Variants in TLDC2 observed in about 807,000 individuals in gnomAD.
The protein encoded by TLDC2 is TLD domain-containing protein 2.
TLDC2 carries 23 observed loss-of-function variants against 27.9 expected under a neutral mutation model. The ratio of observed to expected loss-of-function variants is 0.82; its 90% CI spans 0.59 to 1.17. The LOEUF (loss-of-function observed/expected upper bound fraction) is 1.17. TLDC2 is among the 50% of genes most tolerant of loss of function. TLDC2 has a pLI of 0.00. For synonymous variants in TLDC2, 124 were observed against 107.4 expected (o/e 1.16, Z -0.96); for missense variants, 286 against 273.4 (o/e 1.05, Z -0.32).
intron 5 of TLDC2, among the ~76,000 whole-genome samples, chr20:36,888,704 CAAAAAAAAAAAA>C (rs35828858): frequency 1.6e-5 from 1 of 62,772 alleles, no homozygotes; most frequent in African/African-American, 6.9e-5. Flanking sequence ...AGACTCCTAT[CAAAAAAAAAAAA>C]AAAAAAAAAA....
At chr20:36,892,529 G>C in intron 6 of TLDC2, 1 of 235,224 alleles carries the variant, frequency 4.3e-6, no homozygotes, top group Non-Finnish European at 8.5e-6. Flanking sequence ...GGTGGCACAT[G>C]ACTTTAGTCC....
chr20:36,877,876 C>G, intron 1 of TLDC2, 23 bp from the exon 2 acceptor site: 1 of 1,605,324 alleles, frequency 6.2e-7, no homozygotes, highest in Non-Finnish European at 8.5e-7. Context: ...CTGGACACAC[C>G]AGGCCACTTT....
rs149551821 is a variant in TLDC2, at chr20:36,878,651, A to C, written c.190-390A>C. Reference sequence around the variant, plus strand: ...TTGGGAACTGAGGCCAAAGCTGGAGAGGGGTGGGCGGATGAGACGGAGGAT... The same window carrying C: ...TTGGGAACTGAGGCCAAAGCTGGAGCGGGGTGGGCGGATGAGACGGAGGAT... On this transcript the variant is annotated intron_variant, in intron 2 of 6. Transcript: ENST00000217320. Among the ~76,000 whole-genome samples the C allele has an allele frequency of 4.4e-4, 67 of 152,114 alleles. No individual in the cohort carries two copies. The East Asian group carries it at 0.011, about 24-fold the overall frequency.
chr20:36,880,213 C>G (rs1186250181), intron 3 of TLDC2, among the ~76,000 whole-genome samples: 1 of 150,992 alleles, frequency 6.6e-6, no homozygotes, highest in Non-Finnish European at 1.5e-5. Context: ...CCTAACTCAG[C>G]CTCCCAAGTA....
At position 36,879,041 on chromosome 20, in the gene TLDC2, C is replaced by G. The variant is rs748354615; in HGVS notation, c.190C>G (p.Leu64Val). ...QVLSASEIRQ[L>V]SFHFPPRVTG... Reference sequence around the variant, plus strand: ...CATTCACCTCCAACCCTGTCCCCAGCTCAGCTTTCACTTCCCACCAAGAGT... The same window carrying G: ...CATTCACCTCCAACCCTGTCCCCAGGTCAGCTTTCACTTCCCACCAAGAGT... The change falls in exon 3 of 7, where the codon CTC becomes GTC. Residue 64 changes from leucine to valine, a missense_variant and splice_region_variant. By Grantham distance (32) the Leu-to-Val change is conservative (BLOSUM62 1). Transcript: ENST00000217320. The G allele has an allele frequency of 1.2e-6, 2 of 1,614,230 alleles. No individual in the cohort carries two copies. The highest frequency in any genetic ancestry group is 2.2e-5 in the South Asian group (2 of 91,084).
intron 6 of TLDC2, chr20:36,892,443 T>G (rs2148351693): frequency 5.2e-6 from 1 of 193,764 alleles, no homozygotes; most frequent in African/African-American, 2.4e-5. Flanking sequence ...TAGTTCCAAT[T>G]TGTACCCTTG....
chr20:36,877,922 G>C lies in TLDC2; in HGVS notation c.57G>C (p.Leu19=). 6.2e-7 allele frequency: 1 copy of C among 1,613,792 alleles called. No individual in the cohort carries two copies. The highest frequency in any genetic ancestry group is 8.5e-7 in the Non-Finnish European group (1 of 1,179,892). The stretch of plus-strand genomic sequence containing the variant: ...AGCCCAGCCAGGTGGAGGACACCCT[G>C]TCTGGGGAGGAGGGTAACGAAGAGG... ...TRLPSQVEDT[L]SGEEGNEEEE... The change falls in exon 2 of 7, where the codon CTG becomes CTC. Residue 19 remains leucine, a synonymous_variant. Transcript: ENST00000217320.
At chr20:36,886,292 T>G (rs924337950) in intron 4 of TLDC2, among the ~76,000 whole-genome samples, 2 of 152,070 alleles carry the variant, frequency 1.3e-5, no homozygotes, top group African/African-American at 2.4e-5. Flanking sequence ...TGTGACCAGC[T>G]AGGTTTAAAA....
intron 5 of TLDC2, among the ~76,000 whole-genome samples, chr20:36,887,731 GC>G (rs1396036802): frequency 6.6e-6 from 1 of 152,164 alleles, no homozygotes; most frequent in East Asian, 1.9e-4. Flanking sequence ...ATGCATGAGT[GC>G]CCCCACTGAA....
At chr20:36,881,577 C>T (rs1232757942) in intron 4 of TLDC2, among the ~76,000 whole-genome samples, 1 of 152,118 alleles carries the variant, frequency 6.6e-6, no homozygotes, top group Non-Finnish European at 1.5e-5. Context: ...ATCGGCTGCT[C>T]GGCGCAGGCC....
At chr20:36,879,280 G>A in intron 3 of TLDC2, 87 bp downstream of exon 3, 1 of 1,484,876 alleles carries the variant, frequency 6.7e-7, no homozygotes, top group Non-Finnish European at 8.9e-7. Flanking sequence ...TCAGGGACAA[G>A]CAGGCAGAGT....
Position 36,878,044 on chromosome 20 carries a change from A to C in TLDC2, c.179A>C (p.Glu60Ala). ...GCCAGCCAGGTTTTGAGTGCCTCAG[A>C]GATTCGGCAGGTCTGGGCATTGCCC... is the stretch of plus-strand genomic sequence containing the variant. Reference protein sequence around the residue: ...TEASQVLSASEIRQLSFHFPP... With the variant: ...TEASQVLSASAIRQLSFHFPP... Residue 60 changes from glutamate to alanine, a missense_variant, in exon 2 of 7, where the codon GAG (glutamate) becomes GCG (alanine). By Grantham distance (107) the Glu-to-Ala change is moderately radical. Transcript: ENST00000217320. The C allele has an allele frequency of 6.2e-7, 1 of 1,613,184 alleles. No homozygotes were observed.
chr20:36,876,767 ACACT>A (rs1568745923), intron 1 of TLDC2, among the ~76,000 whole-genome samples: 2 of 152,112 alleles, frequency 1.3e-5, no homozygotes, highest in African/African-American at 2.4e-5. Context: ...TCAAACACAC[ACACT>A]CACACACACA....
rs1432008379 is a variant in TLDC2, at chr20:36,876,217, C to T, written c.33+10C>T. Reference sequence around the variant, plus strand: ...GCGTTACACTCGGCTGGTAAGGGTTCCAACTCCGTCTGTGGTGCAGGTTGG... The same window carrying T: ...GCGTTACACTCGGCTGGTAAGGGTTTCAACTCCGTCTGTGGTGCAGGTTGG... On this transcript the variant is annotated intron_variant, in intron 1 of 6. Transcript: ENST00000217320. 1 of 1,614,124 alleles carries T rather than the reference C, an allele frequency of 6.2e-7. No homozygotes were observed. Among genetic ancestry groups the T allele is most frequent in the South Asian group, 1.1e-5 (1 of 91,072 alleles).
At chr20:36,876,697 G>A (rs892760457) in intron 1 of TLDC2, among the ~76,000 whole-genome samples, 1 of 151,344 alleles carries the variant, frequency 6.6e-6, no homozygotes, top group Admixed American at 6.6e-5. Context: ...ACACTCAAAT[G>A]CACTCATACA....
chr20:36,886,437 C>T (rs983225690), intron 4 of TLDC2, among the ~76,000 whole-genome samples: 11 of 152,066 alleles, frequency 7.2e-5, no homozygotes, highest in Non-Finnish European at 5.9e-5. Flanking sequence ...TACTAAAATA[C>T]AAAAAGTTAG....
intron 4 of TLDC2, among the ~76,000 whole-genome samples, chr20:36,887,005 G>C (rs938890164): frequency 2.0e-5 from 3 of 152,112 alleles, no homozygotes; most frequent in Non-Finnish European, 4.4e-5. Context: ...CCAGGCAGAG[G>C]ACGGGATAGA....
intron 6 of TLDC2, 63 bp downstream of exon 6, chr20:36,889,466 G>A: frequency 6.5e-7 from 1 of 1,538,010 alleles, no homozygotes; most frequent in Non-Finnish European, 8.7e-7. Flanking sequence ...TGTGCTGTTT[G>A]AAACACAGAT....
intron 4 of TLDC2, among the ~76,000 whole-genome samples, chr20:36,881,839 G>A (rs987967734): frequency 2.0e-5 from 3 of 152,208 alleles, no homozygotes; most frequent in Admixed American, 6.5e-5. Context: ...ACAATGTGTT[G>A]GAAGACAGGA....
Sources: allele counts gnomAD v4.1 joint callset (sites outside exome capture counted in the v4.1 genomes callset), GRCh38; gene constraint gnomAD v4.1.1; transcripts MANE v1.5; gene names NCBI Gene and HGNC (gene_info 2026-07-23, HGNC 2026-07-21).